BABAM2: variants seen among roughly 807,000 people sequenced by gnomAD.
The protein encoded by BABAM2 is BRISC and BRCA1-A complex member 2.
Under a neutral mutation model 54.7 loss-of-function variants are expected in BABAM2, and 31 were observed. The observed-to-expected ratio is 0.57, with a 90% CI of 0.43 to 0.77. The LOEUF (loss-of-function observed/expected upper bound fraction) is 0.77, where lower values mean the gene tolerates loss of function less well. Ranked by LOEUF, BABAM2 falls within the 30% of genes least tolerant of loss-of-function variation. The probability of loss-of-function intolerance (pLI) is 0.00; values close to 1 mark genes in which losing one functional copy is unlikely to be tolerated. For missense variants in BABAM2, 364 were observed against 455.8 expected, an observed-to-expected ratio of 0.80 and a Z score of 1.83; for synonymous variants, 167 against 162.9, an observed-to-expected ratio of 1.03 and a Z score of -0.19.
In BABAM2 at chr2:28,061,477, C is replaced by T. The variant is rs546537571; in HGVS notation, c.570+15678C>T. The stretch of plus-strand genomic sequence containing the variant: ...GCGGGCGCCTGTAGTCCCAGCTACT[C>T]GGGAGGCTGAGGCAGGAGAATGACG... On this transcript the variant is annotated intron_variant, in intron 6 of 11. Transcript: ENST00000379624. Among the ~76,000 whole-genome samples, 22 of 149,590 alleles carry T rather than the reference C, an allele frequency of 1.5e-4. No individual in the cohort carries two copies. The East Asian group carries it at 3.2e-3, about 22-fold the overall frequency.
intron 7 of BABAM2, among the ~76,000 whole-genome samples, chr2:28,180,145 G>C (rs1675459277): frequency 6.6e-6 from 1 of 151,758 alleles, no homozygotes; most frequent in African/African-American, 2.4e-5. Context: ...CCAAAAATTA[G>C]GCTGAATAAC....
chr2:28,216,907 C>A (rs1459616314), intron 7 of BABAM2, among the ~76,000 whole-genome samples: 3 of 152,192 alleles, frequency 2.0e-5, no homozygotes, highest in African/African-American at 7.2e-5. Flanking sequence ...AACACTTCAG[C>A]CTCATTTCCA....
intron 10 of BABAM2, among the ~76,000 whole-genome samples, chr2:28,263,518 G>A (rs772384391): frequency 1.3e-5 from 2 of 152,210 alleles, no homozygotes; most frequent in Non-Finnish European, 1.5e-5. Flanking sequence ...TTACAGATAG[G>A]CTACTGACCT....
chr2:28,205,543 T>G (rs1365773325), intron 7 of BABAM2, among the ~76,000 whole-genome samples: 1 of 152,002 alleles, frequency 6.6e-6, no homozygotes, highest in East Asian at 1.9e-4. Flanking sequence ...GTACTATTAT[T>G]ACCCCTACTT....
At chr2:28,101,263 A>G (rs10187665) in intron 6 of BABAM2, among the ~76,000 whole-genome samples, 81,223 of 151,902 alleles carry the variant, frequency 0.53, 22,965 homozygotes, top group Middle Eastern at 0.66. Context: ...ATATTGCCTG[A>G]TATCTAGCAT....
chr2:27,914,588 A>C (rs1666830516), intron 2 of BABAM2, among the ~76,000 whole-genome samples: 5 of 152,150 alleles, frequency 3.3e-5, no homozygotes, highest in Admixed American at 3.3e-4. Context: ...CCAGGAAGCT[A>C]CCTTCTGTGA....
intron 7 of BABAM2, among the ~76,000 whole-genome samples, chr2:28,169,237 G>GA (rs996345449): frequency 5.9e-5 from 9 of 151,936 alleles, no homozygotes; most frequent in African/African-American, 4.8e-5. Flanking sequence ...TGGTTAAGAG[G>GA]AAAAAAATCA....
intron 2 of BABAM2, among the ~76,000 whole-genome samples, chr2:27,922,372 T>C (rs1667402504): frequency 1.3e-5 from 2 of 152,206 alleles, no homozygotes; most frequent in Admixed American, 6.5e-5. Flanking sequence ...GGGAGTCATG[T>C]GATTAAATGT....
intron 3 of BABAM2, among the ~76,000 whole-genome samples, chr2:27,981,687 A>G (rs1387919066): frequency 1.3e-5 from 2 of 152,172 alleles, no homozygotes; most frequent in African/African-American, 4.8e-5. Context: ...TTGGAGCATT[A>G]TATCAGTACT....
At chr2:27,959,037 GAAGGC>G (rs1230297140) in intron 3 of BABAM2, among the ~76,000 whole-genome samples, 1 of 152,206 alleles carries the variant, frequency 6.6e-6, no homozygotes, top group African/African-American at 2.4e-5. Flanking sequence ...CTTGAGAGAA[GAAGGC>G]AACAAATCTC....
At chr2:27,998,916 G>A (rs946787256) in intron 4 of BABAM2, among the ~76,000 whole-genome samples, 3 of 152,206 alleles carry the variant, frequency 2.0e-5, no homozygotes, top group Non-Finnish European at 4.4e-5. Context: ...AGAAGATAGA[G>A]AACCAACCTT....
chr2:28,030,272 T>C lies in BABAM2; in HGVS notation c.495+4852T>C, dbSNP rs1329877066. On this transcript the variant is annotated intron_variant, in intron 5 of 11. Transcript: ENST00000379624. The stretch of plus-strand genomic sequence containing the variant: ...TGTATTTATAGTATTTTTTAAACTT[T>C]CTGTTTAATGTTACCGATATTCCTT... Among the ~76,000 whole-genome samples the C allele has an allele frequency of 6.6e-5, 10 of 152,352 alleles. No individual in the cohort carries two copies. The South Asian group carries it at 1.0e-3, about 16-fold the overall frequency.
chr2:28,220,260 C>T (rs1680278815), intron 7 of BABAM2, among the ~76,000 whole-genome samples: 1 of 152,128 alleles, frequency 6.6e-6, no homozygotes, highest in Non-Finnish European at 1.5e-5. Flanking sequence ...TCTTTTGAGT[C>T]AGTTACTTAA....
chr2:28,109,220 A>G (rs1667787512), intron 6 of BABAM2, among the ~76,000 whole-genome samples: 1 of 120,910 alleles, frequency 8.3e-6, no homozygotes, highest in Admixed American at 1.1e-4. Context: ...ACAGAGTCTC[A>G]CTCTGTCGCC....
At chr2:28,122,464 G>A (rs949656654) in intron 6 of BABAM2, among the ~76,000 whole-genome samples, 4 of 152,024 alleles carry the variant, frequency 2.6e-5, no homozygotes, top group South Asian at 2.1e-4. Flanking sequence ...ATGTAATAGC[G>A]CCTGTATAGC....
intron 4 of BABAM2, chr2:28,016,170 AG>A: frequency 7.9e-7 from 1 of 1,260,080 alleles, no homozygotes; most frequent in Non-Finnish European, 1.1e-6. Flanking sequence ...ATGAAGAAGA[AG>A]ATGAATACTT....
chr2:28,008,383 C>T (rs1420870974), intron 4 of BABAM2, among the ~76,000 whole-genome samples: 1 of 152,014 alleles, frequency 6.6e-6, no homozygotes, highest in Non-Finnish European at 1.5e-5. Context: ...GCAGGGGCTA[C>T]GAACTCAAAT....
intron 7 of BABAM2, among the ~76,000 whole-genome samples, chr2:28,187,760 C>T (rs1401229263): frequency 1.3e-5 from 2 of 150,018 alleles, no homozygotes; most frequent in Non-Finnish European, 3.0e-5. Flanking sequence ...CCTCTGCCTC[C>T]TGGGTTCAAG....
chr2:28,016,266 GTTCT>G (rs1674807203), intron 4 of BABAM2: 1 of 911,248 alleles, frequency 1.1e-6, no homozygotes, highest in Non-Finnish European at 1.8e-6. Context: ...TGTTTTTCTA[GTTCT>G]TTCTTCCAGT....
Sources: gnomAD v4.1 joint callset for allele counts (sites outside exome capture counted in the v4.1 genomes callset) on GRCh38, gnomAD v4.1.1 for gene constraint, MANE v1.5 for transcripts, NCBI Gene and HGNC (gene_info 2026-07-23, HGNC 2026-07-21) for gene names.